The following AMPH variants were observed in gnomAD, a reference collection of about 807,000 sequenced individuals.
AMPH encodes amphiphysin.
Under a neutral mutation model 99.1 loss-of-function variants are expected in AMPH, and 49 were observed. The ratio of observed to expected loss-of-function variants is 0.49; its 90% confidence interval spans 0.39 to 0.63. The LOEUF (loss-of-function observed/expected upper bound fraction) is 0.63. AMPH is among the 20% of genes least tolerant of loss of function. AMPH has a pLI of 0.00. For missense variants in AMPH, 759 were observed against 863.4 expected, an observed-to-expected ratio of 0.88 and a Z score of 1.52; for synonymous variants, 314 against 317.3, an observed-to-expected ratio of 0.99 and a Z score of 0.11.
intron 1 of AMPH, among the ~76,000 whole-genome samples, chr7:38,591,961 C>T (rs1229139134): frequency 6.6e-6 from 1 of 152,196 alleles, no homozygotes; most frequent in Non-Finnish European, 1.5e-5. Flanking sequence ...AATGGGAAAT[C>T]AGGGGACTCA....
At chr7:38,562,155 G>T (rs1395740441) in intron 1 of AMPH, among the ~76,000 whole-genome samples, 6 of 151,992 alleles carry the variant, frequency 3.9e-5, no homozygotes, top group Non-Finnish European at 8.8e-5. Flanking sequence ...AATGAAAAAA[G>T]TCAGCAAGGT....
At chr7:38,517,063 G>C (rs1414454859) in intron 2 of AMPH, among the ~76,000 whole-genome samples, 1 of 152,208 alleles carries the variant, frequency 6.6e-6, no homozygotes, top group East Asian at 1.9e-4. Flanking sequence ...AGGTGGAAGG[G>C]TCTTGCTTTG....
chr7:38,462,766 C>A (rs1382373302), intron 10 of AMPH, among the ~76,000 whole-genome samples: 4 of 152,170 alleles, frequency 2.6e-5, no homozygotes, highest in African/African-American at 9.7e-5. Flanking sequence ...TCCCAAAAAA[C>A]TTGAATATAG....
chr7:38,513,396 T>C (rs780963516), intron 2 of AMPH, among the ~76,000 whole-genome samples: 11 of 152,294 alleles, frequency 7.2e-5, no homozygotes, highest in Admixed American at 3.3e-4. Flanking sequence ...CCATTGAACC[T>C]GGGAAGTCTA....
At chr7:38,505,586 C>T (rs1245804826) in intron 2 of AMPH, among the ~76,000 whole-genome samples, 2 of 152,214 alleles carry the variant, frequency 1.3e-5, no homozygotes, top group East Asian at 3.9e-4. Context: ...TGGCAAACTT[C>T]CATCAGCTAG....
intron 11 of AMPH, among the ~76,000 whole-genome samples, chr7:38,459,980 C>T (rs1787379433): frequency 6.6e-6 from 1 of 151,618 alleles, no homozygotes. Context: ...ACAAGGAACT[C>T]AACTCAATAA....
chr7:38,530,174 C>A (rs1211820917), intron 2 of AMPH, among the ~76,000 whole-genome samples: 1 of 152,168 alleles, frequency 6.6e-6, no homozygotes, highest in Non-Finnish European at 1.5e-5. Flanking sequence ...AGCACTAGCT[C>A]CCATGGAAAT....
chr7:38,610,240 A>G (rs1793583073), intron 1 of AMPH, among the ~76,000 whole-genome samples: 1 of 14,846 alleles, frequency 6.7e-5, no homozygotes, highest in Non-Finnish European at 1.4e-4. Context: ...CTCTCAAAAA[A>G]AAAAAAAAAA....
chr7:38,399,513 G>A (rs188709786), intron 17 of AMPH, among the ~76,000 whole-genome samples: 33 of 152,294 alleles, frequency 2.2e-4, no homozygotes, highest in Non-Finnish European at 3.4e-4. Flanking sequence ...ATCAAGGAAA[G>A]AGTAAAAAGG....
chr7:38,493,949 A>T (rs1028663929), intron 4 of AMPH, among the ~76,000 whole-genome samples: 2 of 152,116 alleles, frequency 1.3e-5, no homozygotes, highest in East Asian at 3.9e-4. Context: ...TTTTATGATC[A>T]TCTTCACTTT....
chr7:38,548,646 A>G (rs753094573), intron 1 of AMPH, among the ~76,000 whole-genome samples: 7 of 152,102 alleles, frequency 4.6e-5, no homozygotes, highest in Non-Finnish European at 8.8e-5. Flanking sequence ...GAAAGAGAAA[A>G]GCTCTCTGCT....
intron 17 of AMPH, among the ~76,000 whole-genome samples, chr7:38,409,156 T>A (rs1485685753): frequency 6.6e-6 from 1 of 152,206 alleles, no homozygotes; most frequent in Non-Finnish European, 1.5e-5. Context: ...GGCCTAGCTG[T>A]GTAAACTCAT....
At chr7:38,617,072 A>G (rs1265186272) in intron 1 of AMPH, among the ~76,000 whole-genome samples, 1 of 152,242 alleles carries the variant, frequency 6.6e-6, no homozygotes, top group Non-Finnish European at 1.5e-5. Context: ...CTGTACGGCT[A>G]AGATTTTTGC....
At chr7:38,539,664 C>T (rs942901012) in intron 1 of AMPH, among the ~76,000 whole-genome samples, 5 of 152,166 alleles carry the variant, frequency 3.3e-5, no homozygotes, top group African/African-American at 9.7e-5. Context: ...ATCTGCTGAG[C>T]AGCACTGGGG....
intron 1 of AMPH, among the ~76,000 whole-genome samples, chr7:38,577,859 G>A (rs957479345): frequency 1.3e-5 from 2 of 152,124 alleles, no homozygotes; most frequent in Non-Finnish European, 2.9e-5. Context: ...ACATAAAAGA[G>A]GAAAGGAGAA....
At chr7:38,629,106 T>C (rs1482724017) in intron 1 of AMPH, among the ~76,000 whole-genome samples, 2 of 152,182 alleles carry the variant, frequency 1.3e-5, no homozygotes, top group African/African-American at 4.8e-5. Context: ...GCCAAAGGTG[T>C]AGAAAGAGGG....
In AMPH at chr7:38,397,848, G is replaced by T. The variant is rs151294528; in HGVS notation, c.1399-3634C>A. ...AATTCCAATTAAAAAATGGGCAAAA[G>T]ATCTGAATAGACAGTTCACAAAAGA... On this transcript the variant is annotated intron_variant, in intron 17 of 20. Transcript: ENST00000356264. 5.3e-5 allele frequency among the ~76,000 whole-genome samples: 8 copies of T among 152,168 alleles called. No homozygotes were observed. In the East Asian group the frequency reaches 1.5e-3, roughly 29 times the overall value.
At chr7:38,616,665 G>C (rs1001473758) in intron 1 of AMPH, among the ~76,000 whole-genome samples, 1 of 152,186 alleles carries the variant, frequency 6.6e-6, no homozygotes, top group Non-Finnish European at 1.5e-5. Context: ...AATAAAAAAA[G>C]AAGGAACTGC....
chr7:38,608,934 G>A (rs753882576), intron 1 of AMPH, among the ~76,000 whole-genome samples: 8 of 152,200 alleles, frequency 5.3e-5, no homozygotes, highest in Non-Finnish European at 7.3e-5. Context: ...ATGAGCTAGT[G>A]TCTTTTTGTT....
Sources: allele counts gnomAD v4.1 joint callset (sites outside exome capture counted in the v4.1 genomes callset), GRCh38; gene constraint gnomAD v4.1.1; transcripts MANE v1.5; gene names NCBI Gene and HGNC (gene_info 2026-07-23, HGNC 2026-07-21).